Variants in HOOK1 observed in about 807,000 individuals in gnomAD.
The protein encoded by HOOK1 is protein Hook homolog 1.
HOOK1 carries 60 observed loss-of-function variants against 112.8 expected under a neutral mutation model. The ratio of observed to expected loss-of-function variants is 0.53; its 90% confidence interval spans 0.43 to 0.66. HOOK1 has a LOEUF of 0.66. Among genes scored for constraint, HOOK1 ranks in the 30% least tolerant of loss-of-function variants. HOOK1 has a pLI of 0.00. For synonymous variants in HOOK1, 294 were observed against 283.8 expected, an observed-to-expected ratio of 1.04 and a Z score of -0.36; for missense variants, 770 against 856.0, an observed-to-expected ratio of 0.90 and a Z score of 1.25.
intron 8 of HOOK1, among the ~76,000 whole-genome samples, chr1:59,842,371 C>T (rs561151015): frequency 6.6e-6 from 1 of 152,202 alleles, no homozygotes; most frequent in African/African-American, 2.4e-5. Flanking sequence ...TTATGCATGA[C>T]AGGTAATAGT....
chr1:59,875,757 T>TACA lies in HOOK1; in HGVS notation c.*2792_*2793insACA, dbSNP rs1644119666. 6.6e-6 allele frequency: 1 copy of TACA among 152,244 alleles called. No individual in the cohort carries two copies. The highest frequency in any genetic ancestry group is 1.5e-5 in the Non-Finnish European group (1 of 68,026). 9.4% of individuals were successfully genotyped at this position (152,244 alleles called of 1,614,324 possible). On this transcript the variant is annotated 3_prime_UTR_variant, in exon 22 of 22. Coordinates refer to ENST00000371208, the MANE Select transcript of HOOK1 (RefSeq NM_015888.6). ...TGTACGTATGGCAGTGATGTCTATG[T>TACA]TGAGATTAACTTATGTATTGAGGAA... is the stretch of plus-strand genomic sequence containing the variant.
intron 12 of HOOK1, among the ~76,000 whole-genome samples, chr1:59,853,405 A>G (rs767794100): frequency 2.0e-5 from 3 of 152,124 alleles, no homozygotes; most frequent in Middle Eastern, 3.4e-3. Flanking sequence ...TAATGTTAGT[A>G]TAGCCCTGTA....
chr1:59,843,317 C>G, intron 8 of HOOK1, 115 bp from the exon 9 acceptor site: 1 of 617,282 alleles, frequency 1.6e-6, no homozygotes, highest in Non-Finnish European at 2.7e-6. Flanking sequence ...TATGACAGAC[C>G]AAGCTATTTA....
chr1:59,825,552 C>A (rs146114752), intron 2 of HOOK1, among the ~76,000 whole-genome samples: 1 of 152,160 alleles, frequency 6.6e-6, no homozygotes, highest in East Asian at 1.9e-4. Flanking sequence ...ATTTGACTTT[C>A]TTTCATTTAA....
At chr1:59,823,864 A>G (rs771451443) in intron 2 of HOOK1, among the ~76,000 whole-genome samples, 7 of 152,220 alleles carry the variant, frequency 4.6e-5, no homozygotes, top group Non-Finnish European at 8.8e-5. Flanking sequence ...CTGCAGTAAC[A>G]ATAAAATAGT....
At chr1:59,871,138 A>G (rs1644049606) in intron 21 of HOOK1, 28 bp downstream of exon 21, 1 of 1,534,210 alleles carries the variant, frequency 6.5e-7, no homozygotes. Flanking sequence ...AAATGATTGG[A>G]TGAGAACGGT....
chr1:59,841,107 G>A (rs559983666), intron 8 of HOOK1, among the ~76,000 whole-genome samples: 23 of 152,208 alleles, frequency 1.5e-4, no homozygotes, highest in African/African-American at 5.5e-4. Flanking sequence ...CATATATATA[G>A]CACTTAGAGC....
intron 12 of HOOK1, among the ~76,000 whole-genome samples, chr1:59,856,287 C>T (rs1335316074): frequency 2.0e-5 from 3 of 151,126 alleles, no homozygotes; most frequent in African/African-American, 7.3e-5. Flanking sequence ...CTTTTCAACT[C>T]AAAATTTCTA....
At chr1:59,863,024 A>C in intron 16 of HOOK1, 147 bp downstream of exon 16, 1 of 455,572 alleles carries the variant, frequency 2.2e-6, no homozygotes. Context: ...TAATAGATGC[A>C]GTGATTTTGC....
At chr1:59,868,185 A>G (rs913760752) in intron 19 of HOOK1, 65 bp from the exon 20 acceptor site, 5 of 854,948 alleles carry the variant, frequency 5.8e-6, no homozygotes, top group Admixed American at 2.3e-5. Context: ...TTTTTGTAAG[A>G]TATGTTCTAT....
In HOOK1 at chr1:59,848,533, T is replaced by C. The variant is rs772488310; in HGVS notation, c.1131+17T>C. ...AAAAGGCAGGTAAGAAACATCTTAATTTTTAATTGATAAAATTGTAAGAGT... is the reference window on the plus strand; with the variant it reads ...AAAAGGCAGGTAAGAAACATCTTAACTTTTAATTGATAAAATTGTAAGAGT... On this transcript the variant is annotated intron_variant, in intron 11 of 21. Transcript: ENST00000371208. 4 of 1,546,116 alleles carry C rather than the reference T, an allele frequency of 2.6e-6. No individual in the cohort carries two copies. In the African/African-American group the frequency reaches 5.5e-5, roughly 21 times the overall value.
At chr1:59,833,016 C>T (rs889744640) in intron 4 of HOOK1, among the ~76,000 whole-genome samples, 2 of 152,062 alleles carry the variant, frequency 1.3e-5, no homozygotes, top group African/African-American at 4.8e-5. Flanking sequence ...CAGTGATTTA[C>T]ATTGTGTTTC....
chr1:59,858,899 C>T (rs1407302227), intron 13 of HOOK1, 86 bp from the exon 14 acceptor site: 3 of 575,012 alleles, frequency 5.2e-6, no homozygotes, highest in Non-Finnish European at 8.1e-6. Flanking sequence ...GAAAGAAAAA[C>T]AAAGAGAGGG....
intron 20 of HOOK1, among the ~76,000 whole-genome samples, chr1:59,870,565 G>C (rs1455102791): frequency 6.6e-6 from 1 of 152,108 alleles, no homozygotes; most frequent in Non-Finnish European, 1.5e-5. Flanking sequence ...CATAAATACG[G>C]CTATGGAATC....
At chr1:59,848,916 A>G (rs1312987430) in intron 11 of HOOK1, among the ~76,000 whole-genome samples, 157 bp from the exon 12 acceptor site, 1 of 151,536 alleles carries the variant, frequency 6.6e-6, no homozygotes, top group Non-Finnish European at 1.5e-5. Flanking sequence ...ATTCTTATCT[A>G]TATGTTATTT....
Position 59,872,883 on chromosome 1 carries a change from G to T in HOOK1, c.2105G>T (p.Arg702Leu), listed in dbSNP as rs370424578. 2 of 1,528,888 alleles carry T rather than the reference G, an allele frequency of 1.3e-6. No individual in the cohort carries two copies. The highest frequency in any genetic ancestry group is 1.4e-5 in the African/African-American group (1 of 72,460). The allele number at this position is 1,528,888 out of a possible 1,614,324, so 94.7% of individuals were successfully genotyped here. The change falls in exon 22 of 22, where the codon CGG becomes CTG. Residue 702 changes from arginine (R) to leucine (L), a missense_variant. This residue lies in a region of HOOK1 where 111 missense variants were observed against 111.8 expected (regional missense o/e 0.99). Transcript: ENST00000371208. ...GACACTGGTGCGTGCACTCCTGCGC[G>T]GTCTTTCTTAGCGCAGCAACGGCAC... ...CSDTGACTPA[R>L]SFLAQQRHIT...
At chr1:59,840,830 C>T (rs1195165074) in intron 8 of HOOK1, among the ~76,000 whole-genome samples, 4 of 151,988 alleles carry the variant, frequency 2.6e-5, no homozygotes, top group African/African-American at 4.8e-5. Context: ...TTTTTGCTAA[C>T]ATGTATGTAT....
At chr1:59,838,386 TC>T (rs2098399144) in intron 7 of HOOK1, among the ~76,000 whole-genome samples, 1 of 152,210 alleles carries the variant, frequency 6.6e-6, no homozygotes, top group Non-Finnish European at 1.5e-5. Context: ...TGTTCGCCAT[TC>T]TAACTGGTGT....
chr1:59,869,148 T>C (rs1342839207), intron 20 of HOOK1, among the ~76,000 whole-genome samples: 2 of 152,188 alleles, frequency 1.3e-5, no homozygotes, highest in African/African-American at 4.8e-5. Context: ...CCATATTGAA[T>C]TCTACATACT....
Sources: gnomAD v4.1 joint callset for allele counts (sites outside exome capture counted in the v4.1 genomes callset) on GRCh38, gnomAD v4.1.1 for gene constraint, gnomAD v4.1.1 regional missense constraint, MANE v1.5 for transcripts, NCBI Gene and HGNC (gene_info 2026-07-23, HGNC 2026-07-21) for gene names.